The following SGCZ variants were observed in gnomAD, a reference collection of about 807,000 sequenced individuals.
SGCZ encodes the protein sarcoglycan zeta, also known as zeta-sarcoglycan.
A neutral mutation model predicts 41.3 loss-of-function variants in SGCZ; 40 were observed. That is an observed-to-expected ratio of 0.97 (90% CI 0.75 to 1.26). The LOEUF (loss-of-function observed/expected upper bound fraction) is 1.26, where lower values mean the gene tolerates loss of function less well. SGCZ is among the 50% of genes most tolerant of loss of function. The pLI is 0.00. For missense variants in SGCZ, 552 were observed against 369.8 expected (o/e 1.49, Z -4.04); for synonymous variants, 206 against 137.5 (o/e 1.50, Z -3.49).
intron 1 of SGCZ, among the ~76,000 whole-genome samples, chr8:14,611,881 C>T (rs1338869753): frequency 2.0e-5 from 3 of 152,138 alleles, no homozygotes; most frequent in Non-Finnish European, 4.4e-5. Context: ...GCTTGTCACT[C>T]ATGAGCCATT....
intron 1 of SGCZ, among the ~76,000 whole-genome samples, chr8:14,691,319 G>T (rs571391950): frequency 6.6e-6 from 1 of 152,206 alleles, no homozygotes; most frequent in African/African-American, 2.4e-5. Context: ...ATTTTAGATA[G>T]TTTAAAGAAG....
chr8:14,658,356 A>G (rs1302817596), intron 1 of SGCZ, among the ~76,000 whole-genome samples: 2 of 152,296 alleles, frequency 1.3e-5, no homozygotes, highest in East Asian at 1.9e-4. Context: ...AATTGAACTC[A>G]TGCCCTTTCA....
At chr8:14,094,012 C>A (rs1487600771) in intron 7 of SGCZ, among the ~76,000 whole-genome samples, 1 of 151,994 alleles carries the variant, frequency 6.6e-6, no homozygotes, top group Non-Finnish European at 1.5e-5. Flanking sequence ...TTACATGATG[C>A]CTTTTCTTCA....
intron 1 of SGCZ, among the ~76,000 whole-genome samples, chr8:14,900,802 C>T (rs1170136202): frequency 2.0e-5 from 3 of 152,168 alleles, no homozygotes; most frequent in Admixed American, 2.0e-4. Flanking sequence ...CCAAAGGTAA[C>T]ATAGCCAAAA....
chr8:15,169,635 A>G (rs1044141064), intron 1 of SGCZ, among the ~76,000 whole-genome samples: 1 of 152,216 alleles, frequency 6.6e-6, no homozygotes, highest in African/African-American at 2.4e-5. Flanking sequence ...TTTATTTCTT[A>G]GAATCCTGGA....
At chr8:14,735,859 T>C (rs1481808776) in intron 1 of SGCZ, among the ~76,000 whole-genome samples, 2 of 152,026 alleles carry the variant, frequency 1.3e-5, no homozygotes, top group African/African-American at 4.8e-5. Context: ...GACAATCAAA[T>C]TGAGTAGGAA....
chr8:14,602,452 A>G (rs993175613), intron 1 of SGCZ, among the ~76,000 whole-genome samples: 2 of 151,874 alleles, frequency 1.3e-5, no homozygotes, highest in African/African-American at 2.4e-5. Flanking sequence ...TGGGAGGCTG[A>G]GGTGGGAGGA....
chr8:14,696,971 AAC>A (rs1808984991), intron 1 of SGCZ, among the ~76,000 whole-genome samples: 1 of 152,172 alleles, frequency 6.6e-6, no homozygotes, highest in Non-Finnish European at 1.5e-5. Flanking sequence ...GTTAAAAAAA[AAC>A]ATAGATATTA....
intron 4 of SGCZ, among the ~76,000 whole-genome samples, chr8:14,235,834 A>G (rs1806738171): frequency 6.6e-6 from 1 of 152,008 alleles, no homozygotes; most frequent in Non-Finnish European, 1.5e-5. Flanking sequence ...ACAGGCACAC[A>G]CCACCATGCC....
chr8:15,229,894 A>G (rs1801889885), intron 1 of SGCZ, among the ~76,000 whole-genome samples: 2 of 152,208 alleles, frequency 1.3e-5, no homozygotes, highest in Non-Finnish European at 2.9e-5. Flanking sequence ...CATTCTAAAG[A>G]AAGATGTGAG....
At chr8:14,339,663 C>T (rs184378953) in intron 2 of SGCZ, among the ~76,000 whole-genome samples, 1 of 152,220 alleles carries the variant, frequency 6.6e-6, no homozygotes. Context: ...GGAACACTTG[C>T]TGAGTAAAGT....
intron 1 of SGCZ, among the ~76,000 whole-genome samples, chr8:15,099,903 A>G (rs1806536706): frequency 6.6e-6 from 1 of 152,106 alleles, no homozygotes; most frequent in Admixed American, 6.6e-5. Context: ...AATTCAACAT[A>G]CTTTCATGAT....
chr8:14,525,736 A>G (rs1327818606), intron 2 of SGCZ, among the ~76,000 whole-genome samples: 1 of 152,134 alleles, frequency 6.6e-6, no homozygotes, highest in Non-Finnish European at 1.5e-5. Context: ...TTCAAACGTT[A>G]AGCAGATCAA....
chr8:14,951,031 T>C (rs1333525335), intron 1 of SGCZ, among the ~76,000 whole-genome samples: 5 of 152,054 alleles, frequency 3.3e-5, no homozygotes, highest in Non-Finnish European at 7.4e-5. Context: ...TCTGTTAGCA[T>C]CAACAGTGTG....
intron 5 of SGCZ, among the ~76,000 whole-genome samples, chr8:14,139,029 T>A (rs1405900519): frequency 6.6e-6 from 1 of 152,130 alleles, no homozygotes; most frequent in Non-Finnish European, 1.5e-5. Flanking sequence ...AACTCAGGAT[T>A]AAGAAACTCA....
At chr8:14,980,569 T>C (rs141956237) in intron 1 of SGCZ, among the ~76,000 whole-genome samples, 1,772 of 152,288 alleles carry the variant, frequency 0.012, 15 homozygotes, top group Non-Finnish European at 0.018. Context: ...CTCACAATCA[T>C]GGTGGAAGGC....
intron 1 of SGCZ, among the ~76,000 whole-genome samples, chr8:14,996,037 G>T (rs943768035): frequency 5.3e-5 from 8 of 152,002 alleles, no homozygotes; most frequent in African/African-American, 1.7e-4. Flanking sequence ...CCGAGTAGCT[G>T]AGACTACAGG....
intron 1 of SGCZ, among the ~76,000 whole-genome samples, chr8:15,228,964 C>T (rs533352901): frequency 1.3e-5 from 2 of 152,194 alleles, no homozygotes; most frequent in South Asian, 4.1e-4. Context: ...GAGGCCAAGG[C>T]GGGTGGATCA....
At chr8:14,459,094 A>G (rs1800828725) in intron 2 of SGCZ, among the ~76,000 whole-genome samples, 1 of 152,210 alleles carries the variant, frequency 6.6e-6, no homozygotes, top group South Asian at 2.1e-4. Context: ...TAACTTGCAT[A>G]AATAATGGAA....
Sources: allele counts gnomAD v4.1 joint callset (sites outside exome capture counted in the v4.1 genomes callset), GRCh38; gene constraint gnomAD v4.1.1; transcripts MANE v1.5; gene names NCBI Gene and HGNC (gene_info 2026-07-23, HGNC 2026-07-21).